Variants in MLF1 observed in about 807,000 individuals in gnomAD.
MLF1 encodes the protein myelodysplasia-myeloid leukemia factor 1.
A neutral mutation model predicts 38.3 loss-of-function variants in MLF1; 37 were observed. That is an observed-to-expected ratio of 0.96 (90% confidence interval 0.74 to 1.27). The LOEUF (loss-of-function observed/expected upper bound fraction) is 1.27. Ranked by LOEUF, MLF1 falls within the 50% of genes most tolerant of loss-of-function variation. The pLI is 0.00. For synonymous variants in MLF1, 95 were observed against 106.5 expected, an observed-to-expected ratio of 0.89 and a Z score of 0.66; for missense variants, 331 against 349.2, an observed-to-expected ratio of 0.95 and a Z score of 0.42.
chr3:158,584,075 CT>C (rs1452959624), intron 1 of MLF1, among the ~76,000 whole-genome samples: 1 of 152,166 alleles, frequency 6.6e-6, no homozygotes, highest in African/African-American at 2.4e-5. Context: ...GCCTAATTGT[CT>C]TACATGTAGA....
chr3:158,587,614 C>T (rs1717429480), intron 1 of MLF1, among the ~76,000 whole-genome samples: 2 of 152,172 alleles, frequency 1.3e-5, no homozygotes, highest in Non-Finnish European at 2.9e-5. Flanking sequence ...TGTAATCTCC[C>T]CTTGAACATG....
At chr3:158,604,491 G>A (rs1720240749) in intron 7 of MLF1, among the ~76,000 whole-genome samples, 1 of 152,130 alleles carries the variant, frequency 6.6e-6, no homozygotes, top group South Asian at 2.1e-4. Flanking sequence ...CTGAAGAACT[G>A]AATTATTTTA....
intron 3 of MLF1, among the ~76,000 whole-genome samples, chr3:158,593,742 A>G (rs968353134): frequency 7.9e-5 from 12 of 152,238 alleles, no homozygotes; most frequent in African/African-American, 2.9e-4. Flanking sequence ...CCACATGCTT[A>G]TGATTACTTT....
intron 1 of MLF1, among the ~76,000 whole-genome samples, chr3:158,592,202 C>A (rs957481895): frequency 1.3e-5 from 2 of 152,014 alleles, no homozygotes; most frequent in East Asian, 1.9e-4. Context: ...TGCTTTCATA[C>A]CACAGTAAAG....
intron 7 of MLF1, among the ~76,000 whole-genome samples, chr3:158,604,017 G>T (rs747135101): frequency 1.5e-4 from 23 of 152,120 alleles, no homozygotes; most frequent in Non-Finnish European, 3.2e-4. Context: ...TAAGAAAGTG[G>T]AAAATTGCTA....
chr3:158,590,884 C>G (rs1718017216), intron 1 of MLF1: 7 of 437,874 alleles, frequency 1.6e-5, no homozygotes, highest in Non-Finnish European at 2.7e-5. Context: ...TATGCCTAAA[C>G]AAGGCTGAAT....
At chr3:158,594,007 G>C (rs770544439) in intron 3 of MLF1, among the ~76,000 whole-genome samples, 1 of 152,066 alleles carries the variant, frequency 6.6e-6, no homozygotes, top group Non-Finnish European at 1.5e-5. Flanking sequence ...ACATGAATTT[G>C]GAACATTTGT....
chr3:158,594,231 G>A (rs1440055401), intron 3 of MLF1, among the ~76,000 whole-genome samples: 1 of 152,116 alleles, frequency 6.6e-6, no homozygotes, highest in Non-Finnish European at 1.5e-5. Flanking sequence ...ATGGAAAAAA[G>A]CACCTTTTGA....
chr3:158,598,311 G>T (rs917853151), intron 5 of MLF1, 103 bp downstream of exon 5: 2 of 1,149,386 alleles, frequency 1.7e-6, no homozygotes, highest in Admixed American at 2.9e-5. Flanking sequence ...ACAAGATGGT[G>T]GGGGGACAGG....
chr3:158,604,237 A>C (rs1323482788), intron 7 of MLF1, among the ~76,000 whole-genome samples: 1 of 152,218 alleles, frequency 6.6e-6, no homozygotes, highest in Non-Finnish European at 1.5e-5. Context: ...GTATTGATTA[A>C]AAACCTGGCA....
chr3:158,572,849 C>G (rs146451532), intron 1 of MLF1, among the ~76,000 whole-genome samples: 1 of 150,722 alleles, frequency 6.6e-6, no homozygotes, highest in African/African-American at 2.4e-5. Context: ...GAGTTGAGGG[C>G]CCCAGGTAGG....
At chr3:158,599,304 T>C (rs1383338069) in intron 5 of MLF1, among the ~76,000 whole-genome samples, 1 of 152,194 alleles carries the variant, frequency 6.6e-6, no homozygotes, top group Non-Finnish European at 1.5e-5. Flanking sequence ...ATCCCAGTGA[T>C]TGAAATTGTT....
At chr3:158,576,942 G>T (rs1450196034) in intron 1 of MLF1, among the ~76,000 whole-genome samples, 1 of 152,014 alleles carries the variant, frequency 6.6e-6, no homozygotes, top group South Asian at 2.1e-4. Context: ...AAAGTGCTGG[G>T]ATACAGGCAT....
chr3:158,598,306 A>T (rs1246740738), intron 5 of MLF1, 98 bp downstream of exon 5: 2,396 of 559,004 alleles, frequency 4.3e-3, no homozygotes, highest in East Asian at 8.5e-3. Flanking sequence ...CTGGTACAAG[A>T]TGGTGGGGGG....
In MLF1 at chr3:158,596,959, A is replaced by T. The variant is rs200984448; in HGVS notation, c.324+14A>T. 51 of 1,511,222 alleles carry T rather than the reference A, an allele frequency of 3.4e-5. No homozygotes were observed. The Middle Eastern group carries it at 2.9e-3, about 86-fold the overall frequency. 93.6% of individuals were successfully genotyped at this position (1,511,222 alleles called of 1,614,324 possible). Reference sequence around the variant, plus strand: ...GAAAGAAACTTCGTAAGTACTAAAAACAAAGCATTGAGAACATTGTGTATA... The same window carrying T: ...GAAAGAAACTTCGTAAGTACTAAAATCAAAGCATTGAGAACATTGTGTATA... On this transcript the variant is annotated intron_variant, in intron 4 of 7. Coordinates refer to ENST00000466246, the MANE Select transcript of MLF1 (RefSeq NM_001369783.1).
intron 1 of MLF1, among the ~76,000 whole-genome samples, chr3:158,583,782 AAG>A (rs1716786975): frequency 6.6e-6 from 1 of 152,296 alleles, no homozygotes; most frequent in African/African-American, 2.4e-5. Context: ...GACATCATGA[AAG>A]AGAGAAGCTA....
intron 2 of MLF1, 118 bp downstream of exon 2, chr3:158,592,699 C>T: frequency 1.2e-6 from 1 of 821,864 alleles, no homozygotes; most frequent in Non-Finnish European, 1.8e-6. Context: ...TTCTAGAAAT[C>T]ACTATTATAT....
chr3:158,587,192 C>G (rs1576661436), intron 1 of MLF1, among the ~76,000 whole-genome samples: 1 of 152,098 alleles, frequency 6.6e-6, no homozygotes, highest in Non-Finnish European at 1.5e-5. Flanking sequence ...TTAATAAGTA[C>G]CTCTAGTGAT....
intron 1 of MLF1, among the ~76,000 whole-genome samples, chr3:158,575,951 T>C (rs1715356571): frequency 6.6e-6 from 1 of 152,194 alleles, no homozygotes; most frequent in African/African-American, 2.4e-5. Context: ...GTATACTTCT[T>C]TGATATAAAA....
Sources: allele counts gnomAD v4.1 joint callset (sites outside exome capture counted in the v4.1 genomes callset), GRCh38; gene constraint gnomAD v4.1.1; transcripts MANE v1.5; gene names NCBI Gene and HGNC (gene_info 2026-07-23, HGNC 2026-07-21).